DPY19L4: variants seen among roughly 807,000 people sequenced by gnomAD.
DPY19L4 encodes probable C-mannosyltransferase DPY19L4.
A neutral mutation model predicts 102.8 loss-of-function variants in DPY19L4; 97 were observed. The observed-to-expected ratio is 0.94, with a 90% CI of 0.80 to 1.12. The LOEUF is 1.12. Ranked by LOEUF, DPY19L4 falls within the 50% of genes most tolerant of loss-of-function variation. The pLI, the probability that DPY19L4 is intolerant of heterozygous loss-of-function variation, is 0.00. For synonymous variants in DPY19L4, 252 were observed against 283.1 expected (o/e 0.89, Z 1.10); for missense variants, 815 against 850.4 (o/e 0.96, Z 0.52).
chr8:94,725,705 G>A (rs1025535803), intron 1 of DPY19L4, among the ~76,000 whole-genome samples: 8 of 152,070 alleles, frequency 5.3e-5, no homozygotes, highest in South Asian at 2.1e-4. Context: ...GCACGATCTC[G>A]GCTCACTGCA....
intron 2 of DPY19L4, 79 bp downstream of exon 2, chr8:94,726,520 A>G: frequency 8.5e-7 from 1 of 1,180,118 alleles, no homozygotes; most frequent in Admixed American, 2.7e-5. Context: ...CAATATTTTA[A>G]ATATACATAT....
chr8:94,734,690 G>T lies in DPY19L4; in HGVS notation c.188G>T (p.Gly63Val). Residue 63 changes from glycine (G) to valine (V), a missense_variant, in exon 3 of 19, where the codon GGT (glycine) becomes GTT (valine). Gly to Val is a moderately radical substitution (Grantham distance 109, BLOSUM62 -3). Transcript: ENST00000414645. Reference sequence around the variant, plus strand: ...GGCTGTCTTGCAGCGGTTACTAGTGGTATGATGTATGCTCTCTACTTATCA... The same window carrying T: ...GGCTGTCTTGCAGCGGTTACTAGTGTTATGATGTATGCTCTCTACTTATCA... ...FIGCLAAVTS[G>V]MMYALYLSAY... 1 of 1,614,008 alleles carries T rather than the reference G, an allele frequency of 6.2e-7. No individual in the cohort carries two copies. The highest frequency in any genetic ancestry group is 8.5e-7 in the Non-Finnish European group (1 of 1,179,988).
chr8:94,734,679 G>C lies in DPY19L4; in HGVS notation c.177G>C (p.Ala59=), dbSNP rs139618366. ...FAKIFIGCLA[A]VTSGMMYALY... The stretch of plus-strand genomic sequence containing the variant: ...AGATTTTCATTGGCTGTCTTGCAGC[G>C]GTTACTAGTGGTATGATGTATGCTC... Residue 59 remains alanine (A), a synonymous_variant, in exon 3 of 19, where the codon GCG becomes GCC. Coordinates refer to ENST00000414645, the MANE Select transcript of DPY19L4 (RefSeq NM_181787.3). 6.2e-7 allele frequency: 1 copy of C among 1,613,798 alleles called. No homozygotes were observed. Among genetic ancestry groups the C allele is most frequent in the Non-Finnish European group, 8.5e-7 (1 of 1,179,954 alleles).
At position 94,776,505 on chromosome 8, in the gene DPY19L4, T is replaced by TA. The variant is rs1359445438; in HGVS notation, c.1455-1149dup. On this transcript the variant is annotated intron_variant, in intron 13 of 18. Coordinates refer to ENST00000414645, the MANE Select transcript of DPY19L4 (RefSeq NM_181787.3). ...TTTTGCTTGGGCCATATATCTACAT[T>TA]AAAAAAAAAAAAGCAAAAATTAGGT... is the stretch of plus-strand genomic sequence containing the variant. 5.4e-3 allele frequency among the ~76,000 whole-genome samples: 757 copies of TA among 141,314 alleles called. 4 individuals are homozygous for TA. Among genetic ancestry groups the TA allele is most frequent in the Non-Finnish European group, 8.2e-3 (527 of 64,570 alleles). 92.7% of individuals were successfully genotyped at this position (141,314 alleles called of 152,430 possible).
chr8:94,761,746 T>A lies in DPY19L4; in HGVS notation c.782T>A (p.Met261Lys), dbSNP rs1447307090. 1.9e-6 allele frequency: 3 copies of A among 1,611,484 alleles called. No individual in the cohort carries two copies. The highest frequency in any genetic ancestry group is 2.5e-6 in the Non-Finnish European group (3 of 1,179,120). The change falls in exon 8 of 19, where the codon ATG (methionine) becomes AAG (lysine). Residue 261 changes from methionine (M) to lysine (K), a missense_variant. By Grantham distance (95) the Met-to-Lys change is moderately conservative. Transcript: ENST00000414645. ...LMSASTYTFM[M>K]MWEYSHYLLF... Reference sequence around the variant, plus strand: ...AGTGCTTCAACTTACACATTTATGATGATGTGGGAGTATAGCCACTATCTC... The same window carrying A: ...AGTGCTTCAACTTACACATTTATGAAGATGTGGGAGTATAGCCACTATCTC...
intron 14 of DPY19L4, among the ~76,000 whole-genome samples, chr8:94,779,162 T>G (rs1353814015): frequency 6.6e-6 from 1 of 151,554 alleles, no homozygotes; most frequent in East Asian, 1.9e-4. Flanking sequence ...CTATGTCAGG[T>G]ACTGTTTGAA....
At chr8:94,742,352 C>T (rs981431895) in intron 6 of DPY19L4, among the ~76,000 whole-genome samples, 3 of 150,840 alleles carry the variant, frequency 2.0e-5, no homozygotes, top group Non-Finnish European at 3.0e-5. Flanking sequence ...AGCGAGACTC[C>T]GTCTCAAAAA....
intron 2 of DPY19L4, among the ~76,000 whole-genome samples, chr8:94,727,297 G>A (rs971194750): frequency 6.6e-6 from 1 of 152,178 alleles, no homozygotes; most frequent in South Asian, 2.1e-4. Flanking sequence ...GCAGTGGCAC[G>A]ATCTCAGCTC....
chr8:94,756,112 G>A lies in DPY19L4; in HGVS notation c.688G>A (p.Ala230Thr). The A allele has an allele frequency of 6.2e-7, 1 of 1,613,800 alleles. No homozygotes were observed. The highest frequency in any genetic ancestry group is 1.1e-5 in the South Asian group (1 of 91,050). Reference protein sequence around the residue: ...WALPYFACQIAALTGYLKSNL... With the variant: ...WALPYFACQITALTGYLKSNL... ...ACTACCATATTTTGCATGCCAAATT[G>A]CTGCACTTACAGGCTATTTAAAAAG... is the stretch of plus-strand genomic sequence containing the variant. The change falls in exon 7 of 19, where the codon GCT (alanine) becomes ACT (threonine). Residue 230 changes from alanine (A) to threonine (T), a missense_variant. Coordinates refer to ENST00000414645, the MANE Select transcript of DPY19L4 (RefSeq NM_181787.3).
At chr8:94,763,808 G>A (rs546411919) in intron 8 of DPY19L4, among the ~76,000 whole-genome samples, 2 of 152,012 alleles carry the variant, frequency 1.3e-5, no homozygotes, top group East Asian at 1.9e-4. Flanking sequence ...GATTACAGGC[G>A]TGAGCCACTG....
chr8:94,766,787 C>T, intron 11 of DPY19L4, 102 bp downstream of exon 11: 2 of 1,115,916 alleles, frequency 1.8e-6, no homozygotes, highest in South Asian at 3.0e-5. Context: ...TCTGTAATCC[C>T]AGCACTTTAG....
chr8:94,720,260 G>T, intron 1 of DPY19L4: 1 of 985,356 alleles, frequency 1.0e-6, no homozygotes. Context: ...TTGGGAATCC[G>T]TAGCAAGAGA....
chr8:94,769,991 G>A (rs1022731809), intron 12 of DPY19L4, among the ~76,000 whole-genome samples: 2 of 150,524 alleles, frequency 1.3e-5, no homozygotes, highest in Non-Finnish European at 3.0e-5. Flanking sequence ...AGGTTCAAGC[G>A]ATTCTCTTGC....
intron 3 of DPY19L4, among the ~76,000 whole-genome samples, chr8:94,736,849 C>A (rs1278411810): frequency 6.6e-6 from 1 of 152,154 alleles, no homozygotes; most frequent in Non-Finnish European, 1.5e-5. Flanking sequence ...TTAAACTTGT[C>A]TTTTTATTAT....
At chr8:94,748,915 A>G (rs1811796813) in intron 6 of DPY19L4, among the ~76,000 whole-genome samples, 2 of 152,314 alleles carry the variant, frequency 1.3e-5, no homozygotes, top group South Asian at 4.1e-4. Context: ...CTGCTGATAA[A>G]GAAATACCTA....
At chr8:94,774,823 C>T (rs879736944) in intron 13 of DPY19L4, among the ~76,000 whole-genome samples, 2 of 152,056 alleles carry the variant, frequency 1.3e-5, no homozygotes, top group African/African-American at 2.4e-5. Context: ...GTGATCTGCC[C>T]GCCTCGGCCC....
intron 17 of DPY19L4, 59 bp downstream of exon 17, chr8:94,783,861 A>G: frequency 3.8e-6 from 6 of 1,589,228 alleles, no homozygotes; most frequent in Non-Finnish European, 5.2e-6. Context: ...ATTTTAGCAT[A>G]GTCTGCAGTA....
At position 94,734,704 on chromosome 8, in the gene DPY19L4, C is replaced by G. The variant is rs1283831609; in HGVS notation, c.202C>G (p.Leu68Val). The change falls in exon 3 of 19, where the codon CTC becomes GTC. Residue 68 changes from leucine to valine, a missense_variant. By Grantham distance (32) the Leu-to-Val change is conservative (BLOSUM62 1). Transcript: ENST00000414645. ...AAVTSGMMYALYLSAYHERKF... is the reference protein window; with the variant it reads ...AAVTSGMMYAVYLSAYHERKF... ...GGTTACTAGTGGTATGATGTATGCT[C>G]TCTACTTATCAGCATACCATGAACG... 1 of 1,613,952 alleles carries G rather than the reference C, an allele frequency of 6.2e-7. No individual in the cohort carries two copies. The highest frequency in any genetic ancestry group is 1.7e-5 in the Admixed American group (1 of 60,000).
intron 16 of DPY19L4, 72 bp from the exon 17 acceptor site, chr8:94,783,598 A>T: frequency 1.3e-6 from 2 of 1,522,558 alleles, no homozygotes; most frequent in East Asian, 2.3e-5. Context: ...GGTATTTCAG[A>T]GTTGATATAG....
Sources: allele counts gnomAD v4.1 joint callset (sites outside exome capture counted in the v4.1 genomes callset), GRCh38; gene constraint gnomAD v4.1.1; transcripts MANE v1.5; gene names NCBI Gene and HGNC (gene_info 2026-07-23, HGNC 2026-07-21).